FANK1: variants seen among roughly 807,000 people sequenced by gnomAD.
FANK1 encodes fibronectin type 3 and ankyrin repeat domains protein 1.
FANK1 carries 44 observed loss-of-function variants against 45.3 expected under a neutral mutation model. That is an observed-to-expected ratio of 0.97 (90% confidence interval 0.76 to 1.25). The LOEUF (loss-of-function observed/expected upper bound fraction) is 1.25, where lower values mean the gene tolerates loss of function less well. Ranked by LOEUF, FANK1 falls within the 50% of genes most tolerant of loss-of-function variation. The probability of loss-of-function intolerance (pLI) is 0.00; values close to 1 mark genes in which losing one functional copy is unlikely to be tolerated. For missense variants in FANK1, 391 were observed against 424.4 expected (o/e 0.92, Z 0.69); for synonymous variants, 149 against 152.5 (o/e 0.98, Z 0.17).
At chr10:125,966,294 G>A (rs956501418) in intron 1 of FANK1, among the ~76,000 whole-genome samples, 1 of 152,188 alleles carries the variant, frequency 6.6e-6, no homozygotes, top group Non-Finnish European at 1.5e-5. Context: ...GTTTTCATTA[G>A]ATGATGTATT....
At chr10:125,937,082 A>G (rs904643860) in intron 1 of FANK1, among the ~76,000 whole-genome samples, 4 of 152,140 alleles carry the variant, frequency 2.6e-5, no homozygotes, top group African/African-American at 9.7e-5. Context: ...AAAAAAAAAT[A>G]AAATAATACC....
chr10:125,954,154 T>TG (rs1443055523), intron 1 of FANK1, among the ~76,000 whole-genome samples: 1 of 152,086 alleles, frequency 6.6e-6, no homozygotes, highest in African/African-American at 2.4e-5. Context: ...GTGGTTACAA[T>TG]GGGGGAAGGG....
intron 1 of FANK1, among the ~76,000 whole-genome samples, chr10:125,945,159 T>C (rs997733608): frequency 2.0e-5 from 3 of 152,198 alleles, no homozygotes; most frequent in African/African-American, 7.2e-5. Context: ...GCTCAATACA[T>C]TTAATCTAGT....
At chr10:125,957,680 A>C (rs1016586096) in intron 1 of FANK1, among the ~76,000 whole-genome samples, 1 of 151,834 alleles carries the variant, frequency 6.6e-6, no homozygotes, top group Admixed American at 6.6e-5. Context: ...ACCCGGCACC[A>C]CACCCGGCTG....
In FANK1 at chr10:125,959,413, C is replaced by CA. The variant is rs767754151; in HGVS notation, c.14-20728dup. 7.8e-3 allele frequency among the ~76,000 whole-genome samples: 585 copies of CA among 74,682 alleles called. 22 individuals carry two copies. Among genetic ancestry groups the CA allele is most frequent in the African/African-American group, 0.024 (448 of 18,828 alleles). 49.0% of individuals were successfully genotyped at this position (74,682 alleles called of 152,430 possible). A position where few individuals can be genotyped will look rare whatever the true frequency, so the allele number is the denominator to read the frequency against. The stretch of plus-strand genomic sequence containing the variant: ...TGAGTGACAGAATGAGACTCTGTCT[C>CA]AAAAAAAAAAAAAAAAAAAAGATAC... On this transcript the variant is annotated intron_variant, in intron 1 of 10. Transcript: ENST00000368693.
chr10:125,961,961 G>A (rs987973811), intron 1 of FANK1, among the ~76,000 whole-genome samples: 2 of 151,888 alleles, frequency 1.3e-5, no homozygotes, highest in Non-Finnish European at 2.9e-5. Context: ...CAAAAGCACA[G>A]GCAACAAAAG....
chr10:125,899,352 G>T (rs1231699440), intron 1 of FANK1, among the ~76,000 whole-genome samples: 1 of 151,826 alleles, frequency 6.6e-6, no homozygotes, highest in Non-Finnish European at 1.5e-5. Context: ...GAGCCACCGT[G>T]CCCGGCCCCT....
chr10:125,944,161 G>A (rs1245234896), intron 1 of FANK1, among the ~76,000 whole-genome samples: 1 of 152,192 alleles, frequency 6.6e-6, no homozygotes, highest in Non-Finnish European at 1.5e-5. Context: ...CTGTTTTAGA[G>A]TAGCACACGA....
At position 125,936,077 on chromosome 10, in the gene FANK1, A is replaced by G. The variant is rs114488185; in HGVS notation, c.13+39422A>G. On this transcript the variant is annotated intron_variant, in intron 1 of 10. Transcript: ENST00000368693. ...TGGAGCATCAGTTTTACTTGTTAGT[A>G]TATATGTAGAAACATTTTTATATTA... Among the ~76,000 whole-genome samples the G allele has an allele frequency of 5.9e-3, 893 of 152,308 alleles. 6 individuals carry two copies. Among genetic ancestry groups the G allele is most frequent in the African/African-American group, 0.021 (855 of 41,566 alleles).
At chr10:125,970,252 C>T (rs1950418714) in intron 1 of FANK1, among the ~76,000 whole-genome samples, 1 of 151,322 alleles carries the variant, frequency 6.6e-6, no homozygotes, top group South Asian at 2.1e-4. Context: ...GCAGAGGCGC[C>T]CCTGCCTTCC....
chr10:126,004,573 C>T (rs2133353529), intron 6 of FANK1: 1 of 275,908 alleles, frequency 3.6e-6, no homozygotes, highest in East Asian at 8.9e-5. Context: ...TTCTGTCTTG[C>T]AGATGTGCCT....
chr10:125,908,276 G>A lies in FANK1; in HGVS notation c.13+11621G>A, dbSNP rs73368603. On this transcript the variant is annotated intron_variant, in intron 1 of 10. Transcript: ENST00000368693. ...CTCCCAAAGGGCTGGGATTACAGGT[G>A]TGAGCCACTGTGCCTGGCCTTTTCT... is the stretch of plus-strand genomic sequence containing the variant. 1.3e-4 allele frequency among the ~76,000 whole-genome samples: 20 copies of A among 151,852 alleles called. No individual in the cohort carries two copies. In the South Asian group the frequency reaches 4.0e-3, roughly 30 times the overall value.
At chr10:125,953,441 T>G (rs1949380839) in intron 1 of FANK1, among the ~76,000 whole-genome samples, 1 of 152,184 alleles carries the variant, frequency 6.6e-6, no homozygotes, top group South Asian at 2.1e-4. Context: ...GTGTGGGTGA[T>G]GCTTCAGACC....
At chr10:125,964,186 C>CTTTTTTTTTTTT (rs71486557) in intron 1 of FANK1, among the ~76,000 whole-genome samples, 2 of 78,392 alleles carry the variant, frequency 2.6e-5, no homozygotes, top group African/African-American at 5.4e-5. Flanking sequence ...TTCTCTCTCT[C>CTTTTTTTTTTTT]TTTTTTTTTT....
intron 1 of FANK1, among the ~76,000 whole-genome samples, chr10:125,934,724 GTTTTTTTTTTTTTTTTTT>G (rs145182884): frequency 5.7e-4 from 15 of 26,456 alleles, no homozygotes; most frequent in East Asian, 1.3e-3. Context: ...TACCCCTACC[GTTTTTTTTTTTTTTTTTT>G]TTTTTTTTTT....
At chr10:125,974,739 A>T (rs940979846) in intron 1 of FANK1, among the ~76,000 whole-genome samples, 1 of 152,190 alleles carries the variant, frequency 6.6e-6, no homozygotes, top group Non-Finnish European at 1.5e-5. Context: ...ATGGACATAG[A>T]ATAACTTATT....
At chr10:125,999,201 T>C (rs1263915992) in intron 6 of FANK1, among the ~76,000 whole-genome samples, 1 of 61,162 alleles carries the variant, frequency 1.6e-5, no homozygotes, top group Non-Finnish European at 4.4e-5. Context: ...AAAGTATCTT[T>C]TTTTTTTTTT....
intron 1 of FANK1, among the ~76,000 whole-genome samples, chr10:125,911,333 C>T (rs564784346): frequency 6.6e-6 from 1 of 152,170 alleles, no homozygotes; most frequent in Non-Finnish European, 1.5e-5. Flanking sequence ...CCTAGAGCCT[C>T]CAGAAGGAAC....
In FANK1 at chr10:125,983,389, C is replaced by T. The variant is rs2366346; in HGVS notation, c.191+3051C>T. Reference sequence around the variant, plus strand: ...GACACTGCTCCGGATGCTGGGGATACGGCACTGGGAAAAAATTCCTCCCTC... The same window carrying T: ...GACACTGCTCCGGATGCTGGGGATATGGCACTGGGAAAAAATTCCTCCCTC... On this transcript the variant is annotated intron_variant, in intron 2 of 10. Coordinates refer to ENST00000368693, the MANE Select transcript of FANK1 (RefSeq NM_145235.5). This position sits in a 1 kb window ranked among gnomAD's most constrained non-coding sequence, Gnocchi z 4.3. Among the ~76,000 whole-genome samples, 34,236 of 151,884 alleles carry T rather than the reference C, an allele frequency of 0.23. 4,404 individuals carry two copies. Among genetic ancestry groups the T allele is most frequent in the East Asian group, 0.31 (1,610 of 5,154 alleles).
Sources: allele counts gnomAD v4.1 joint callset (sites outside exome capture counted in the v4.1 genomes callset), GRCh38; gene constraint gnomAD v4.1.1; non-coding constraint Gnocchi (gnomAD v3.1); transcripts MANE v1.5; gene names NCBI Gene and HGNC (gene_info 2026-07-23, HGNC 2026-07-21).